Variants in TRIM8 observed in about 807,000 individuals in gnomAD.
The protein encoded by TRIM8 is tripartite motif containing 8, also known as E3 ubiquitin-protein ligase TRIM8.
A neutral mutation model predicts 55.7 loss-of-function variants in TRIM8; 9 were observed. That is an observed-to-expected ratio of 0.16 (90% CI 0.10 to 0.28). The LOEUF (loss-of-function observed/expected upper bound fraction) is 0.28. Among genes scored for constraint, TRIM8 ranks in the 10% least tolerant of loss-of-function variants. TRIM8 has a pLI of 1.00. For synonymous variants in TRIM8, 335 were observed against 333.3 expected (o/e 1.01, Z -0.06); for missense variants, 556 against 736.4 (o/e 0.76, Z 2.83).
chr10:102,648,288 C>A lies in TRIM8; in HGVS notation c.570+3101C>A, dbSNP rs115499406. On this transcript the variant is annotated intron_variant, in intron 1 of 5. Transcript: ENST00000643721. Reference sequence around the variant, plus strand: ...ATCCTTATCTCATGACCCCCCATGACATGGAAAGAAGACCCAAGAGCAGGC... The same window carrying A: ...ATCCTTATCTCATGACCCCCCATGAAATGGAAAGAAGACCCAAGAGCAGGC... 2.4e-3 allele frequency among the ~76,000 whole-genome samples: 372 copies of A among 152,232 alleles called. 3 individuals carry two copies. The highest frequency in any genetic ancestry group is 8.5e-3 in the African/African-American group (354 of 41,548).
chr10:102,644,760 G>A lies in TRIM8; in HGVS notation c.143G>A (p.Gly48Asp), dbSNP rs1342183486. Reference sequence around the variant, plus strand: ...GGCGAGGCGTGGGCCAAGGACAGCGGCCTCGTACGCTGCCCAGAGTGCAAC... The same window carrying A: ...GGCGAGGCGTGGGCCAAGGACAGCGACCTCGTACGCTGCCCAGAGTGCAAC... ...CIGEAWAKDS[G>D]LVRCPECNQA... is the part of the protein sequence containing the mutation. Residue 48 changes from glycine to aspartate, a missense_variant, in exon 1 of 6, where the codon GGC becomes GAC. Around this residue, in one of 2 missense-constraint regions of TRIM8, gnomAD observed 165 missense variants for 295.3 expected, o/e 0.56. Coordinates refer to ENST00000643721, the MANE Select transcript of TRIM8 (RefSeq NM_030912.3). 1.9e-6 allele frequency: 3 copies of A among 1,613,256 alleles called. No individual in the cohort carries two copies. Among genetic ancestry groups the A allele is most frequent in the Non-Finnish European group, 2.5e-6 (3 of 1,179,868 alleles).
chr10:102,644,552 C>G lies in TRIM8; in HGVS notation c.-66C>G. 4 of 1,517,428 alleles carry G rather than the reference C, an allele frequency of 2.6e-6. No individual in the cohort carries two copies. The highest frequency in any genetic ancestry group is 3.6e-6 in the Non-Finnish European group (4 of 1,121,130). 94.0% of individuals were successfully genotyped at this position (1,517,428 alleles called of 1,614,324 possible). A position where few individuals can be genotyped will look rare whatever the true frequency, so the allele number is the denominator to read the frequency against. On this transcript the variant is annotated 5_prime_UTR_variant, in exon 1 of 6. Coordinates refer to ENST00000643721, the MANE Select transcript of TRIM8 (RefSeq NM_030912.3). ...TCGGGGCTCGGTGGGCCTACAGCGGCTCCGGACGGACCCCCGGGGCTGGGG... is the reference window on the plus strand; with the variant it reads ...TCGGGGCTCGGTGGGCCTACAGCGGGTCCGGACGGACCCCCGGGGCTGGGG...
chr10:102,656,981 T>G lies in TRIM8; in HGVS notation c.1283T>G (p.Leu428Arg). ...PCSSTQHLVA[L>R]PGGAQPVHSS... ...AGCTCCACGCAGCACTTGGTGGCCC[T>G]GCCGGGCGGCGCCCAACCAGTGCAC... The change falls in exon 6 of 6, where the codon CTG (leucine) becomes CGG (arginine). Residue 428 changes from leucine to arginine, a missense_variant. Transcript: ENST00000643721. This position sits in a 1 kb window ranked among gnomAD's most constrained non-coding sequence, Gnocchi z 4.6. The G allele has an allele frequency of 6.2e-7, 1 of 1,612,512 alleles. No individual in the cohort carries two copies. Among genetic ancestry groups the G allele is most frequent in the Non-Finnish European group, 8.5e-7 (1 of 1,179,690 alleles).
chr10:102,645,240 C>G, intron 1 of TRIM8, 53 bp downstream of exon 1: 1 of 1,446,092 alleles, frequency 6.9e-7, no homozygotes, highest in Admixed American at 2.7e-5. Context: ...CACACAGTCC[C>G]TTCCTCTCTC....
rs555607802 is a variant in TRIM8, at chr10:102,651,490, G to A, written c.571-3163G>A. Among the ~76,000 whole-genome samples, 7 of 152,350 alleles carry A rather than the reference G, an allele frequency of 4.6e-5. No individual in the cohort carries two copies. In the South Asian group the frequency reaches 6.2e-4, roughly 14 times the overall value. ...CAGTTCCTGTCCCCAAGGAAGCTGC[G>A]CTGGGACCTTGGAGCTGCCTCTTTC... On this transcript the variant is annotated intron_variant, in intron 1 of 5. Transcript: ENST00000643721.
Position 102,644,743 on chromosome 10 carries a change from G to T in TRIM8, c.126G>T (p.Ala42=). ...TCTGCCGGGGCTGCATCGGCGAGGC[G>T]TGGGCCAAGGACAGCGGCCTCGTAC... is the stretch of plus-strand genomic sequence containing the variant. ...HNFCRGCIGE[A]WAKDSGLVRC... The change falls in exon 1 of 6, where the codon GCG becomes GCT. Residue 42 remains alanine (A), a synonymous_variant. Coordinates refer to ENST00000643721, the MANE Select transcript of TRIM8 (RefSeq NM_030912.3). 2 of 1,613,232 alleles carry T rather than the reference G, an allele frequency of 1.2e-6. No homozygotes were observed. Among genetic ancestry groups the T allele is most frequent in the Non-Finnish European group, 1.7e-6 (2 of 1,179,842 alleles).
In TRIM8 at chr10:102,656,056, C is replaced by G. The variant is rs144434676; in HGVS notation, c.901-50C>G. On this transcript the variant is annotated intron_variant, in intron 3 of 5. Coordinates refer to ENST00000643721, the MANE Select transcript of TRIM8 (RefSeq NM_030912.3). This position sits in a 1 kb window ranked among gnomAD's most constrained non-coding sequence, Gnocchi z 4.6. Reference sequence around the variant, plus strand: ...TTTTGTCTTCCCCTCTCCCCGGGCTCTCCCTGGACTGCCTTTTCCACTGAC... The same window carrying G: ...TTTTGTCTTCCCCTCTCCCCGGGCTGTCCCTGGACTGCCTTTTCCACTGAC... The G allele has an allele frequency of 1.2e-6, 1 of 819,446 alleles. No individual in the cohort carries two copies. Among genetic ancestry groups the G allele is most frequent in the Non-Finnish European group, 1.7e-6 (1 of 575,818 alleles). 50.8% of individuals were successfully genotyped at this position (819,446 alleles called of 1,614,324 possible). A position where few individuals can be genotyped will look rare whatever the true frequency, so the allele number is the denominator to read the frequency against.
intron 1 of TRIM8, among the ~76,000 whole-genome samples, chr10:102,648,920 T>C (rs2063957638): frequency 6.6e-6 from 1 of 152,188 alleles, no homozygotes; most frequent in African/African-American, 2.4e-5. Context: ...GAGGCCCAGC[T>C]GCCCACCCCT....
rs151273808 is a variant in TRIM8 at position 102,656,291 on chromosome 10, C to T, written c.954C>T (p.Ser318=). 931 of 1,614,224 alleles carry T rather than the reference C, an allele frequency of 5.8e-4. 9 individuals are homozygous for T. The African/African-American group carries it at 0.011, about 20-fold the overall frequency. ...CCAGGACCCAGACCTGCACGAGCAG[C>T]AGCCTTTCCCCCACTAAGATCGGCC... ...LMDRTQTCTS[S]SLSPTKIGHL... is the part of the protein sequence containing the mutation. The change falls in exon 5 of 6, where the codon AGC becomes AGT. Residue 318 remains serine (S), a synonymous_variant. Coordinates refer to ENST00000643721, the MANE Select transcript of TRIM8 (RefSeq NM_030912.3). The surrounding 1 kb of genome is among the most constrained non-coding windows in gnomAD (Gnocchi z 4.6).
chr10:102,645,287 T>C, intron 1 of TRIM8, 100 bp downstream of exon 1: 1 of 1,310,714 alleles, frequency 7.6e-7, no homozygotes. Context: ...GGCTGACTCT[T>C]GTGACATCAG....
At chr10:102,651,291 G>A (rs1271309775) in intron 1 of TRIM8, among the ~76,000 whole-genome samples, 1 of 152,230 alleles carries the variant, frequency 6.6e-6, no homozygotes, top group Admixed American at 6.5e-5. Flanking sequence ...TAGAAGTGCT[G>A]TCAGGGGAGG....
At chr10:102,647,241 CGTGT>C in intron 1 of TRIM8, among the ~76,000 whole-genome samples, 1 of 152,014 alleles carries the variant, frequency 6.6e-6, no homozygotes, top group East Asian at 1.9e-4. Flanking sequence ...TGCGTGTGTG[CGTGT>C]GTGTGCGTGC....
At chr10:102,645,952 G>A (rs1003669232) in intron 1 of TRIM8, 3 of 152,324 alleles carry the variant, frequency 2.0e-5, no homozygotes, top group Non-Finnish European at 2.9e-5. Flanking sequence ...TTTGGGGAGG[G>A]GAAGTGGAAG....
At chr10:102,651,098 C>T (rs963451430) in intron 1 of TRIM8, among the ~76,000 whole-genome samples, 1 of 152,290 alleles carries the variant, frequency 6.6e-6, no homozygotes. Flanking sequence ...CCCTGGCCAG[C>T]CTCCTTCCTC....
At position 102,645,076 on chromosome 10, in the gene TRIM8, C is replaced by G; in HGVS notation, c.459C>G (p.Leu153=). Reference sequence around the variant, plus strand: ...GCCCGCAGCACAACGCCTACCGCCTCTACCACTGCGAGGCCGAGCAGGTGG... The same window carrying G: ...GCCCGCAGCACAACGCCTACCGCCTGTACCACTGCGAGGCCGAGCAGGTGG... The part of the protein sequence containing the change: ...WSCPQHNAYR[L]YHCEAEQVAV... Residue 153 remains leucine (L), a synonymous_variant, in exon 1 of 6, where the codon CTC becomes CTG. Coordinates refer to ENST00000643721, the MANE Select transcript of TRIM8 (RefSeq NM_030912.3). 1 of 1,594,752 alleles carries G rather than the reference C, an allele frequency of 6.3e-7. No homozygotes were observed. The highest frequency in any genetic ancestry group is 1.3e-5 in the African/African-American group (1 of 74,890).
chr10:102,646,661 CT>C (rs1411906156), intron 1 of TRIM8, among the ~76,000 whole-genome samples: 1 of 152,176 alleles, frequency 6.6e-6, no homozygotes, highest in Non-Finnish European at 1.5e-5. Flanking sequence ...CCTCCACCCC[CT>C]GTGTCCTCCA....
Position 102,656,708 on chromosome 10 carries a change from G to A in TRIM8, c.1049-39G>A. 2.0e-6 allele frequency: 3 copies of A among 1,506,634 alleles called. No individual in the cohort carries two copies. Among genetic ancestry groups the A allele is most frequent in the Non-Finnish European group, 2.7e-6 (3 of 1,129,748 alleles). 93.3% of individuals were successfully genotyped at this position (1,506,634 alleles called of 1,614,324 possible). ...GGGAGAGGAGGCCTGGGTTGCTTGG[G>A]GTGGGAGCTTTGGCGACTTTTGCCC... is the stretch of plus-strand genomic sequence containing the variant. On this transcript the variant is annotated intron_variant, in intron 5 of 5. Coordinates refer to ENST00000643721, the MANE Select transcript of TRIM8 (RefSeq NM_030912.3). The surrounding 1 kb of genome is among the most constrained non-coding windows in gnomAD (Gnocchi z 4.6).
chr10:102,645,532 G>A (rs997514143), intron 1 of TRIM8: 1 of 219,882 alleles, frequency 4.5e-6, no homozygotes, highest in Non-Finnish European at 8.9e-6. Context: ...GGAAGTCACC[G>A]AGGCAGTGAC....
intron 1 of TRIM8, among the ~76,000 whole-genome samples, chr10:102,647,713 C>T (rs146288112): frequency 6.6e-6 from 1 of 152,304 alleles, no homozygotes; most frequent in East Asian, 1.9e-4. Flanking sequence ...CCCCAGGATA[C>T]AGGGGCAGAA....
Sources: gnomAD v4.1 joint callset for allele counts (sites outside exome capture counted in the v4.1 genomes callset) on GRCh38, gnomAD v4.1.1 for gene constraint, gnomAD v4.1.1 regional missense constraint, Gnocchi (gnomAD v3.1) non-coding constraint, MANE v1.5 for transcripts, NCBI Gene and HGNC (gene_info 2026-07-23, HGNC 2026-07-21) for gene names.